COPB1: variants seen among roughly 807,000 people sequenced by gnomAD.
The protein encoded by COPB1 is coatomer subunit beta.
COPB1 carries 21 observed loss-of-function variants against 108.7 expected under a neutral mutation model. That is an observed-to-expected ratio of 0.19 (90% CI 0.14 to 0.28). The LOEUF (loss-of-function observed/expected upper bound fraction) is 0.28, where lower values mean the gene tolerates loss of function less well. Among genes scored for constraint, COPB1 ranks in the 10% least tolerant of loss-of-function variants. COPB1 has a pLI of 1.00. For synonymous variants in COPB1, 378 were observed against 386.8 expected, an observed-to-expected ratio of 0.98 and a Z score of 0.27; for missense variants, 919 against 1,141.3, an observed-to-expected ratio of 0.81 and a Z score of 2.81.
chr11:14,462,649 A>T (rs1589951906), intron 18 of COPB1, among the ~76,000 whole-genome samples: 2 of 152,212 alleles, frequency 1.3e-5, no homozygotes, highest in East Asian at 3.9e-4. Flanking sequence ...TCTCTCTTGG[A>T]ATTCACTCTC....
chr11:14,468,600 T>C, intron 16 of COPB1, 81 bp downstream of exon 16: 1 of 1,364,956 alleles, frequency 7.3e-7, no homozygotes, highest in Non-Finnish European at 1.0e-6. Context: ...AATAGTTATC[T>C]TTCTTTTAAA....
chr11:14,485,267 C>A (rs1565021289), intron 7 of COPB1, among the ~76,000 whole-genome samples: 1 of 152,232 alleles, frequency 6.6e-6, no homozygotes, highest in East Asian at 1.9e-4. Context: ...AACGATCATC[C>A]CACCTTGGCC....
chr11:14,482,693 C>T (rs577902773), intron 8 of COPB1, among the ~76,000 whole-genome samples: 1 of 152,258 alleles, frequency 6.6e-6, no homozygotes, highest in East Asian at 1.9e-4. Flanking sequence ...CTTCACCACA[C>T]CCAGCTAATT....
At chr11:14,477,096 A>G in intron 11 of COPB1, 81 bp from the exon 12 acceptor site, 1 of 1,049,256 alleles carries the variant, frequency 9.5e-7, no homozygotes, top group Non-Finnish European at 1.5e-6. Context: ...TTTAAGCTCA[A>G]ATAAAAACAA....
At position 14,461,233 on chromosome 11, in the gene COPB1, C is replaced by G. The variant is rs754400155; in HGVS notation, c.2509G>C (p.Asp837His). ...MDYIQPATCT[D>H]AEFRQMWAEF... ...GCCCACATCTGACGGAATTCTGCAT[C>G]AGTGCAAGTTGCAGGCTGGATATAG... Residue 837 changes from aspartate to histidine, a missense_variant, in exon 19 of 22, where the codon GAT becomes CAT. This residue lies in a region of COPB1 where 705 missense variants were observed against 817.8 expected (regional missense o/e 0.86). Coordinates refer to ENST00000439561, the MANE Select transcript of COPB1 (RefSeq NM_001144061.2). 6.2e-7 allele frequency: 1 copy of G among 1,614,170 alleles called. No homozygotes were observed. Among genetic ancestry groups the G allele is most frequent in the Admixed American group, 1.7e-5 (1 of 60,018 alleles).
intron 11 of COPB1, among the ~76,000 whole-genome samples, chr11:14,477,944 T>C (rs978928019): frequency 6.7e-6 from 1 of 149,346 alleles, no homozygotes; most frequent in African/African-American, 2.5e-5. Flanking sequence ...AGGCGGAGGT[T>C]GCAATGCCCT....
Position 14,479,625 on chromosome 11 carries a change from C to G in COPB1, c.1302G>C (p.Leu434=). ...GCATCTTCTCAACAATAAGCATTCT[C>G]AGGTTATCAAAGCGCTGAATGGCTT... ...VREAIQRFDN[L]RMLIVEKMLE... is the part of the protein sequence containing the mutation. The change falls in exon 11 of 22, where the codon CTG becomes CTC. Residue 434 remains leucine (L), a synonymous_variant. Transcript: ENST00000439561. 1 of 1,612,984 alleles carries G rather than the reference C, an allele frequency of 6.2e-7. No homozygotes were observed. The highest frequency in any genetic ancestry group is 1.3e-5 in the African/African-American group (1 of 74,836).
chr11:14,463,897 G>C (rs1850220784), intron 18 of COPB1, among the ~76,000 whole-genome samples: 1 of 151,940 alleles, frequency 6.6e-6, no homozygotes, highest in South Asian at 2.1e-4. Flanking sequence ...TACTGTGTTG[G>C]CTCAAGTCCT....
At position 14,498,951 on chromosome 11, in the gene COPB1, A is replaced by AG; in HGVS notation, c.-24_-23insC. ...CATGGTTTCTGGTTATATTATAACC[A>AG]ATCCTTGACACAAGATTTAAGGATG... On this transcript the variant is annotated 5_prime_UTR_variant, in exon 2 of 22. Coordinates refer to ENST00000439561, the MANE Select transcript of COPB1 (RefSeq NM_001144061.2). 6.4e-7 allele frequency: 1 copy of AG among 1,572,452 alleles called. No homozygotes were observed. Among genetic ancestry groups the AG allele is most frequent in the Non-Finnish European group, 8.6e-7 (1 of 1,156,472 alleles).
At chr11:14,482,061 C>T (rs1850672556) in intron 8 of COPB1, among the ~76,000 whole-genome samples, 5 of 151,934 alleles carry the variant, frequency 3.3e-5, no homozygotes, top group Admixed American at 3.3e-4. Flanking sequence ...CAAAGTGCTG[C>T]GATTTTAGGC....
chr11:14,471,854 G>A (rs573792033), intron 14 of COPB1, among the ~76,000 whole-genome samples: 3 of 152,272 alleles, frequency 2.0e-5, no homozygotes, highest in Admixed American at 1.3e-4. Flanking sequence ...CCCAGGAGGC[G>A]GAGGTTGCAG....
intron 17 of COPB1, among the ~76,000 whole-genome samples, chr11:14,466,056 T>G (rs534919145): frequency 3.2e-4 from 48 of 152,318 alleles, no homozygotes; most frequent in African/African-American, 1.1e-3. Context: ...TTAAGCTTAT[T>G]AAATGAATCC....
At chr11:14,490,285 G>A (rs770093871) in intron 5 of COPB1, among the ~76,000 whole-genome samples, 23 of 152,112 alleles carry the variant, frequency 1.5e-4, no homozygotes, top group Admixed American at 2.6e-4. Flanking sequence ...ACCATCATAG[G>A]AAAGAACAGT....
At chr11:14,496,094 T>C (rs1320985513) in intron 2 of COPB1, among the ~76,000 whole-genome samples, 13 of 152,172 alleles carry the variant, frequency 8.5e-5, no homozygotes, top group Non-Finnish European at 1.8e-4. Context: ...GCAAGTAAAA[T>C]ATTAAGTTTC....
Position 14,488,487 on chromosome 11 carries a change from C to T in COPB1, c.699+5G>A. ...ATTTTACTCATCATAGATTATCATT[C>T]TTACCTTATAAATCAGTTCAACAAT... On this transcript the variant is annotated splice_donor_5th_base_variant and intron_variant, in intron 6 of 21. Coordinates refer to ENST00000439561, the MANE Select transcript of COPB1 (RefSeq NM_001144061.2). 1 of 1,588,322 alleles carries T rather than the reference C, an allele frequency of 6.3e-7. No homozygotes were observed. The highest frequency in any genetic ancestry group is 8.6e-7 in the Non-Finnish European group (1 of 1,161,446).
chr11:14,482,806 G>A (rs2134116509), intron 8 of COPB1, among the ~76,000 whole-genome samples: 1 of 152,328 alleles, frequency 6.6e-6, no homozygotes, highest in East Asian at 1.9e-4. Flanking sequence ...AAAGTGCTGG[G>A]ATTACAGGCG....
At chr11:14,487,760 T>G (rs1372100469) in intron 6 of COPB1, among the ~76,000 whole-genome samples, 2 of 152,080 alleles carry the variant, frequency 1.3e-5, no homozygotes, top group Non-Finnish European at 2.9e-5. Context: ...TCCAAACTAC[T>G]GGTACCTTGT....
intron 4 of COPB1, among the ~76,000 whole-genome samples, chr11:14,491,960 A>G (rs1850914869): frequency 6.6e-6 from 1 of 152,220 alleles, no homozygotes; most frequent in African/African-American, 2.4e-5. Context: ...AGTACAGAGA[A>G]GAGTGAACAC....
intron 17 of COPB1, 102 bp downstream of exon 17, chr11:14,466,180 A>T: frequency 9.0e-7 from 1 of 1,116,774 alleles, no homozygotes; most frequent in Non-Finnish European, 1.2e-6. Context: ...ATGTCAGAAA[A>T]GGTTCAAGAG....
Sources: gnomAD v4.1 joint callset for allele counts (sites outside exome capture counted in the v4.1 genomes callset) on GRCh38, gnomAD v4.1.1 for gene constraint, gnomAD v4.1.1 regional missense constraint, MANE v1.5 for transcripts, NCBI Gene and HGNC (gene_info 2026-07-23, HGNC 2026-07-21) for gene names.